The following PAM variants were observed in gnomAD, a reference collection of about 807,000 sequenced individuals.
The protein encoded by PAM is peptidyl-glycine alpha-amidating monooxygenase.
In PAM, 72 loss-of-function variants were observed where a neutral mutation model predicts 122.1. The observed-to-expected ratio is 0.59, with a 90% CI of 0.49 to 0.72. The LOEUF (loss-of-function observed/expected upper bound fraction) is 0.72, where lower values mean the gene tolerates loss of function less well. Among genes scored for constraint, PAM ranks in the 30% least tolerant of loss-of-function variants. The pLI is 0.00. For missense variants in PAM, 1,106 were observed against 1,183.7 expected (o/e 0.93, Z 0.96); for synonymous variants, 389 against 404.4 (o/e 0.96, Z 0.46).
At chr5:102,981,424 G>A (rs1769811975) in intron 15 of PAM, among the ~76,000 whole-genome samples, 1 of 152,188 alleles carries the variant, frequency 6.6e-6, no homozygotes, top group Admixed American at 6.5e-5. Flanking sequence ...CATTTTCATT[G>A]AGTATTCTCA....
intron 7 of PAM, among the ~76,000 whole-genome samples, chr5:102,939,722 G>A (rs924865902): frequency 6.6e-6 from 1 of 151,982 alleles, no homozygotes; most frequent in Non-Finnish European, 1.5e-5. Flanking sequence ...GAGGTATAAT[G>A]TTCAAAGTGT....
Position 102,865,965 on chromosome 5 carries a change from C to T in PAM, c.-231C>T. 2.3e-6 allele frequency: 1 copy of T among 436,376 alleles called. No individual in the cohort carries two copies. 27.0% of individuals were successfully genotyped at this position (436,376 alleles called of 1,614,324 possible). ...GGGAGGAAAGCTTCCGCCTGCGGGC[C>T]GGACAAAAGTCCCGCCTGCCCACGG... On this transcript the variant is annotated 5_prime_UTR_variant, in exon 2 of 26. Transcript: ENST00000438793.
At chr5:102,968,134 A>T (rs1197635012) in intron 14 of PAM, among the ~76,000 whole-genome samples, 1 of 152,208 alleles carries the variant, frequency 6.6e-6, no homozygotes, top group African/African-American at 2.4e-5. Flanking sequence ...CCAGGATATG[A>T]CAAAGAGAAA....
chr5:102,882,517 ATATT>A (rs1248601668), intron 3 of PAM, among the ~76,000 whole-genome samples: 1 of 151,772 alleles, frequency 6.6e-6, no homozygotes, highest in Non-Finnish European at 1.5e-5. Flanking sequence ...CCATTTGTAT[ATATT>A]CTTTTGAGAA....
chr5:102,921,366 T>C (rs997603340), intron 5 of PAM, among the ~76,000 whole-genome samples: 19 of 152,138 alleles, frequency 1.2e-4, no homozygotes, highest in African/African-American at 4.6e-4. Flanking sequence ...CTTTCTCTTT[T>C]TGGTCATTTT....
intron 4 of PAM, among the ~76,000 whole-genome samples, chr5:102,903,987 T>A (rs1250086244): frequency 6.6e-6 from 1 of 151,532 alleles, no homozygotes; most frequent in African/African-American, 2.4e-5. Flanking sequence ...CAAATACCCA[T>A]GAAGATTTAA....
At chr5:102,813,351 T>A (rs2150221114) in intron 1 of PAM, among the ~76,000 whole-genome samples, 2 of 152,292 alleles carry the variant, frequency 1.3e-5, no homozygotes, top group South Asian at 4.1e-4. Flanking sequence ...ACCAACTATA[T>A]TGAAAACCAG....
intron 1 of PAM, among the ~76,000 whole-genome samples, chr5:102,812,616 A>T (rs1345782803): frequency 1.3e-5 from 2 of 152,154 alleles, no homozygotes; most frequent in Non-Finnish European, 1.5e-5. Flanking sequence ...CTTTGCAGGA[A>T]GTAATTATTT....
intron 12 of PAM, among the ~76,000 whole-genome samples, chr5:102,955,125 G>A (rs555957837): frequency 1.2e-3 from 180 of 152,062 alleles, no homozygotes; most frequent in African/African-American, 4.2e-3. Context: ...AACATTTGTT[G>A]AATATAAACG....
chr5:103,009,940 G>A, intron 21 of PAM, 74 bp downstream of exon 21: 1 of 653,662 alleles, frequency 1.5e-6, no homozygotes, highest in Non-Finnish European at 2.5e-6. Flanking sequence ...CATTCAATCT[G>A]TACTTGAATA....
intron 1 of PAM, among the ~76,000 whole-genome samples, chr5:102,760,550 G>A (rs1242398897): frequency 6.6e-6 from 1 of 152,180 alleles, no homozygotes; most frequent in Non-Finnish European, 1.5e-5. Context: ...AGTTGCAGTA[G>A]CCACATTTCA....
At chr5:102,905,542 G>C (rs1799274171) in intron 4 of PAM, among the ~76,000 whole-genome samples, 1 of 151,680 alleles carries the variant, frequency 6.6e-6, no homozygotes, top group African/African-American at 2.4e-5. Flanking sequence ...GTGATGTCCA[G>C]ATACTTTGAG....
chr5:102,801,149 T>C (rs1764606910), intron 1 of PAM, among the ~76,000 whole-genome samples: 1 of 152,172 alleles, frequency 6.6e-6, no homozygotes, highest in Non-Finnish European at 1.5e-5. Context: ...TTAGTCCTTA[T>C]CGACTGGAGG....
chr5:102,875,353 C>T (rs371556970), intron 3 of PAM, among the ~76,000 whole-genome samples: 9 of 151,894 alleles, frequency 5.9e-5, no homozygotes, highest in Non-Finnish European at 1.2e-4. Flanking sequence ...CCACCATACC[C>T]GGCTTAATTT....
At chr5:102,819,457 G>T (rs958061740) in intron 1 of PAM, among the ~76,000 whole-genome samples, 1 of 151,598 alleles carries the variant, frequency 6.6e-6, no homozygotes, top group Non-Finnish European at 1.5e-5. Context: ...TTATAAATTT[G>T]TAAATTTTCT....
chr5:102,864,622 ATT>A (rs1474263037), intron 1 of PAM: 2 of 152,106 alleles, frequency 1.3e-5, no homozygotes, highest in Non-Finnish European at 2.9e-5. Flanking sequence ...TTTGTTTTAG[ATT>A]AGCTTCACTA....
intron 1 of PAM, among the ~76,000 whole-genome samples, chr5:102,847,094 C>G (rs1247318699): frequency 6.6e-6 from 1 of 152,032 alleles, no homozygotes; most frequent in Non-Finnish European, 1.5e-5. Context: ...TTCTTTCTCC[C>G]GAGTCCCATT....
At chr5:102,799,360 C>T (rs116214693) in intron 1 of PAM, among the ~76,000 whole-genome samples, 1 of 152,090 alleles carries the variant, frequency 6.6e-6, no homozygotes, top group African/African-American at 2.4e-5. Flanking sequence ...GTATCAGGCT[C>T]AGGTGGAAAG....
chr5:102,934,601 G>T (rs557017912), intron 7 of PAM, among the ~76,000 whole-genome samples: 1 of 152,046 alleles, frequency 6.6e-6, no homozygotes, highest in Admixed American at 6.6e-5. Flanking sequence ...TGCTTTGATG[G>T]GGATAGGGAC....
Sources: gnomAD v4.1 joint callset for allele counts (sites outside exome capture counted in the v4.1 genomes callset) on GRCh38, gnomAD v4.1.1 for gene constraint, MANE v1.5 for transcripts, NCBI Gene and HGNC (gene_info 2026-07-23, HGNC 2026-07-21) for gene names.